The following VANGL1 variants were observed in gnomAD, a reference collection of about 807,000 sequenced individuals.
The protein encoded by VANGL1 is VANGL planar cell polarity protein 1, also known as vang-like protein 1.
A neutral mutation model predicts 48.4 loss-of-function variants in VANGL1; 18 were observed. The ratio of observed to expected loss-of-function variants is 0.37; its 90% CI spans 0.26 to 0.55. The LOEUF is 0.55. VANGL1 is among the 20% of genes least tolerant of loss of function. VANGL1 has a pLI of 0.81. For synonymous variants in VANGL1, 257 were observed against 261.8 expected, an observed-to-expected ratio of 0.98 and a Z score of 0.18; for missense variants, 667 against 675.8, an observed-to-expected ratio of 0.99 and a Z score of 0.14.
intron 2 of VANGL1, among the ~76,000 whole-genome samples, chr1:115,656,165 C>G (rs759018023): frequency 3.3e-5 from 5 of 152,218 alleles, no homozygotes; most frequent in African/African-American, 1.2e-4. Context: ...CTCGGTATCC[C>G]TCAGTCATGA....
Position 115,687,481 on chromosome 1 carries a change from T to C in VANGL1, c.1314+1954T>C, listed in dbSNP as rs1326344475. Among the ~76,000 whole-genome samples, 3 of 138,960 alleles carry C rather than the reference T, an allele frequency of 2.2e-5. 1 individual carries two copies. Among genetic ancestry groups the C allele is most frequent in the African/African-American group, 8.1e-5 (3 of 36,986 alleles). 91.2% of individuals were successfully genotyped at this position (138,960 alleles called of 152,430 possible). On this transcript the variant is annotated intron_variant, in intron 7 of 7. Transcript: ENST00000355485. ...AGTTTCCTGGTTGCTTTTTGTTTCA[T>C]TTAAAAATTTTATACTTTTCTGAAT...
At chr1:115,643,776 A>T (rs1651818997) in intron 1 of VANGL1, among the ~76,000 whole-genome samples, 1 of 152,224 alleles carries the variant, frequency 6.6e-6, no homozygotes, top group Non-Finnish European at 1.5e-5. Flanking sequence ...CAACAATTCC[A>T]TGTCACCCTT....
At chr1:115,651,998 C>G (rs113697906) in intron 2 of VANGL1, among the ~76,000 whole-genome samples, 2,087 of 152,208 alleles carry the variant, frequency 0.014, 38 homozygotes, top group African/African-American at 0.048. Context: ...GTGATCCGCC[C>G]GCCTCGGTTT....
At chr1:115,690,340 G>A (rs549293244) in intron 7 of VANGL1, among the ~76,000 whole-genome samples, 5 of 152,354 alleles carry the variant, frequency 3.3e-5, no homozygotes, top group Middle Eastern at 3.4e-3. Context: ...GGAAGAATGA[G>A]CTGAATGACA....
chr1:115,648,963 A>T (rs1320548890), intron 1 of VANGL1, among the ~76,000 whole-genome samples: 1 of 152,178 alleles, frequency 6.6e-6, no homozygotes, highest in Admixed American at 6.5e-5. Context: ...TGGACATTTG[A>T]ATCTGCAGAT....
At chr1:115,672,101 C>A (rs1023970168) in intron 4 of VANGL1, among the ~76,000 whole-genome samples, 2 of 152,160 alleles carry the variant, frequency 1.3e-5, no homozygotes, top group Non-Finnish European at 2.9e-5. Flanking sequence ...TGGTGTCCTC[C>A]GGGCATGCTC....
At position 115,693,192 on chromosome 1, in the gene VANGL1, ATGG is replaced by A. The variant is rs1210095711; in HGVS notation, c.*1816_*1818del. On this transcript the variant is annotated 3_prime_UTR_variant, in exon 8 of 8. Coordinates refer to ENST00000355485, the MANE Select transcript of VANGL1 (RefSeq NM_138959.3). Reference sequence around the variant, plus strand: ...TATAAAAAACACATACCATGGAACCATGGTGCTTTTGTTCTTAGTTTTTGCCGT... The same window carrying A: ...TATAAAAAACACATACCATGGAACCATGCTTTTGTTCTTAGTTTTTGCCGT... The A allele has an allele frequency of 2.0e-5, 3 of 152,730 alleles. No individual in the cohort carries two copies. Among genetic ancestry groups the A allele is most frequent in the Non-Finnish European group, 2.9e-5 (2 of 68,028 alleles). 9.5% of individuals were successfully genotyped at this position (152,730 alleles called of 1,614,324 possible).
rs1654007661 is a variant in VANGL1, at chr1:115,695,716, C to T, written c.*4337C>T. On this transcript the variant is annotated 3_prime_UTR_variant, in exon 8 of 8. Transcript: ENST00000355485. ...CACATTCTTTCAAGATAGGAGTCAT[C>T]TTGGTTTTTCGGGTGAAAAACGGAA... is the stretch of plus-strand genomic sequence containing the variant. 1 of 152,162 alleles carries T rather than the reference C, an allele frequency of 6.6e-6. No individual in the cohort carries two copies. The allele number at this position is 152,162 out of a possible 1,614,324, so 9.4% of individuals were successfully genotyped here.
At chr1:115,654,511 A>T (rs2101313891) in intron 2 of VANGL1, among the ~76,000 whole-genome samples, 2 of 151,756 alleles carry the variant, frequency 1.3e-5, no homozygotes, top group South Asian at 4.2e-4. Context: ...AAAAAAAAAA[A>T]AAAAAAAAAA....
Position 115,663,934 on chromosome 1 carries a change from C to T in VANGL1, c.478C>T (p.Leu160Phe). The T allele has an allele frequency of 1.9e-6, 3 of 1,614,222 alleles. No individual in the cohort carries two copies. The South Asian group carries it at 3.3e-5, about 18-fold the overall frequency. The change falls in exon 4 of 8, where the codon CTC becomes TTC. Residue 160 changes from leucine (L) to phenylalanine (F), a missense_variant. Coordinates refer to ENST00000355485, the MANE Select transcript of VANGL1 (RefSeq NM_138959.3). ...GCTCTTTATCTCCATGGCATTCAAA[C>T]TCCTCATTCTGCTCATAGGGACCTG... ...EGLFISMAFKLLILLIGTWAL... is the reference protein window; with the variant it reads ...EGLFISMAFKFLILLIGTWAL...
In VANGL1 at chr1:115,696,431, A is replaced by G. The variant is rs1654031858; in HGVS notation, c.*5052A>G. On this transcript the variant is annotated 3_prime_UTR_variant, in exon 8 of 8. Coordinates refer to ENST00000355485, the MANE Select transcript of VANGL1 (RefSeq NM_138959.3). ...AGAGCAGACGTAAAACAGGACTCAG[A>G]AAACCATTTTTCTCTGTTCCCATAT... 6.6e-6 allele frequency: 1 copy of G among 152,218 alleles called. No homozygotes were observed. Among genetic ancestry groups the G allele is most frequent in the Non-Finnish European group, 1.5e-5 (1 of 68,044 alleles). 9.4% of individuals were successfully genotyped at this position (152,218 alleles called of 1,614,324 possible). A position where few individuals can be genotyped will look rare whatever the true frequency, so the allele number is the denominator to read the frequency against.
At chr1:115,677,553 T>C (rs1053169334) in intron 4 of VANGL1, among the ~76,000 whole-genome samples, 1 of 152,190 alleles carries the variant, frequency 6.6e-6, no homozygotes, top group Non-Finnish European at 1.5e-5. Flanking sequence ...TTTTTATGCA[T>C]AGGTCTCAAG....
chr1:115,686,772 A>G (rs12023404), intron 7 of VANGL1, among the ~76,000 whole-genome samples: 23,298 of 152,198 alleles, frequency 0.15, 2,008 homozygotes, highest in East Asian at 0.25. Context: ...TAATAATAAT[A>G]GCAATTTAGT....
At chr1:115,677,076 A>T (rs972210068) in intron 4 of VANGL1, among the ~76,000 whole-genome samples, 8 of 152,222 alleles carry the variant, frequency 5.3e-5, no homozygotes, top group Admixed American at 1.3e-4. Context: ...CTCTGTGCAG[A>T]CTCAGACATG....
At chr1:115,659,575 C>T (rs1280030007) in intron 2 of VANGL1, 66 bp from the exon 3 acceptor site, 19 of 1,588,546 alleles carry the variant, frequency 1.2e-5, no homozygotes, top group Admixed American at 6.7e-5. Flanking sequence ...ATGATACTTA[C>T]ATTTTGATAA....
At chr1:115,664,753 A>G (rs945205328) in intron 4 of VANGL1, among the ~76,000 whole-genome samples, 2 of 152,208 alleles carry the variant, frequency 1.3e-5, no homozygotes, top group African/African-American at 4.8e-5. Flanking sequence ...GGACCCTCCA[A>G]TAAAGAATCA....
rs144222199 is a variant in VANGL1, at chr1:115,685,801, TA to T, written c.1314+275del. ...ATTGGAGACAGTATGGAATAGTGATTAGGGGTGCATTGTGGACTCTGGAGCT... is the reference window on the plus strand; with the variant it reads ...ATTGGAGACAGTATGGAATAGTGATTGGGGTGCATTGTGGACTCTGGAGCT... On this transcript the variant is annotated intron_variant, in intron 7 of 7. Transcript: ENST00000355485. Among the ~76,000 whole-genome samples, 27 of 152,224 alleles carry T rather than the reference TA, an allele frequency of 1.8e-4. No individual in the cohort carries two copies. The East Asian group carries it at 2.5e-3, about 14-fold the overall frequency.
At chr1:115,680,650 T>A (rs1392049066) in intron 4 of VANGL1, among the ~76,000 whole-genome samples, 1 of 152,226 alleles carries the variant, frequency 6.6e-6, no homozygotes, top group East Asian at 1.9e-4. Flanking sequence ...TTTACCATGA[T>A]TCTGCTCTTA....
In VANGL1 at chr1:115,657,286, A is replaced by C. The variant is rs970848136; in HGVS notation, c.72-2355A>C. ...GTATAAGGGTGTGAGAATGAGCTTT[A>C]AGAATATTTATGCCATGAAATCTTC... On this transcript the variant is annotated intron_variant, in intron 2 of 7. Coordinates refer to ENST00000355485, the MANE Select transcript of VANGL1 (RefSeq NM_138959.3). Among the ~76,000 whole-genome samples the C allele has an allele frequency of 2.6e-5, 4 of 152,176 alleles. No individual in the cohort carries two copies. The East Asian group carries it at 5.8e-4, about 22-fold the overall frequency.
Sources: gnomAD v4.1 joint callset for allele counts (sites outside exome capture counted in the v4.1 genomes callset) on GRCh38, gnomAD v4.1.1 for gene constraint, MANE v1.5 for transcripts, NCBI Gene and HGNC (gene_info 2026-07-23, HGNC 2026-07-21) for gene names.